The following PTOV1 variants were observed in gnomAD, a reference collection of about 807,000 sequenced individuals.
PTOV1 encodes PTOV1 extended AT-hook containing adaptor protein.
A neutral mutation model predicts 58.0 loss-of-function variants in PTOV1; 20 were observed. That is an observed-to-expected ratio of 0.34 (90% CI 0.24 to 0.50). The LOEUF (loss-of-function observed/expected upper bound fraction) is 0.50. Among genes scored for constraint, PTOV1 ranks in the 20% least tolerant of loss-of-function variants. PTOV1 has a pLI of 0.98. For synonymous variants in PTOV1, 335 were observed against 234.2 expected, an observed-to-expected ratio of 1.43 and a Z score of -3.93; for missense variants, 593 against 565.4, an observed-to-expected ratio of 1.05 and a Z score of -0.50.
At chr19:49,853,114 T>C (rs940539675) in intron 1 of PTOV1, 1 of 152,070 alleles carries the variant, frequency 6.6e-6, no homozygotes, top group Non-Finnish European at 1.5e-5. Context: ...TTCAGGTTTT[T>C]CTCTTTTTAA....
Position 49,854,893 on chromosome 19 carries a change from G to GTGCCC in PTOV1, c.450+5_450+6insTGCCC. 1 of 1,603,560 alleles carries GTGCCC rather than the reference G, an allele frequency of 6.2e-7. No individual in the cohort carries two copies. Among genetic ancestry groups the GTGCCC allele is most frequent in the Non-Finnish European group, 8.5e-7 (1 of 1,173,344 alleles). ...CTGATCCCTCAGCAGCTGCTGGTGA[G>GTGCCC]ACCCGCCCCTCCCACCCCATCCACT... On this transcript the variant is annotated splice_donor_region_variant and intron_variant, in intron 4 of 11. Coordinates refer to ENST00000391842, the Ensembl canonical transcript of PTOV1.
At chr19:49,859,420 G>A (rs185225143) in intron 10 of PTOV1, 125 of 155,132 alleles carry the variant, frequency 8.1e-4, no homozygotes, top group African/African-American at 1.4e-3. Flanking sequence ...GTGAAACCCC[G>A]TCTCTACTAA....
Position 49,854,833 on chromosome 19 carries a change from AGACC to A in PTOV1, c.400_403del (p.Asp134SerfsTer6). On this transcript the variant is annotated frameshift_variant, in exon 4 of 12. Transcript: ENST00000391842. LOFTEE classifies it high-confidence loss of function. The stretch of plus-strand genomic sequence containing the variant: ...TTCTGACCAGCTCCTTCCCATAGGG[AGACC>A]GACCAGTGGCCGCAGAAGCTGATCA... 2 of 1,613,256 alleles carry A rather than the reference AGACC, an allele frequency of 1.2e-6. No homozygotes were observed. Among genetic ancestry groups the A allele is most frequent in the Non-Finnish European group, 1.7e-6 (2 of 1,179,970 alleles).
intron 1 of PTOV1, chr19:49,852,131 G>T: frequency 1.1e-6 from 1 of 952,336 alleles, no homozygotes; most frequent in Non-Finnish European, 1.3e-6. Context: ...GAAACCGTAA[G>T]GTTTACCTGG....
upstream of PTOV1, chr19:49,850,793 C>T: frequency 6.7e-7 from 1 of 1,483,150 alleles, no homozygotes; most frequent in Non-Finnish European, 9.1e-7. Context: ...CAGTGGGTTC[C>T]TTTGTCCCCA....
In PTOV1 at chr19:49,851,505, C is replaced by CGGGG; in HGVS notation, c.171+6_171+7insGGGG. On this transcript the variant is annotated splice_region_variant and intron_variant, in intron 1 of 11. Coordinates refer to ENST00000391842, the Ensembl canonical transcript of PTOV1. ...CCCGCTCGGCCCCTCCCATGGTGAG[C>CGGGG]CCCCCGCCCTTTTTCCAGAGCCTTC... 1 of 1,115,692 alleles carries CGGGG rather than the reference C, an allele frequency of 9.0e-7. No homozygotes were observed. The highest frequency in any genetic ancestry group is 1.1e-6 in the Non-Finnish European group (1 of 899,428). 69.1% of individuals were successfully genotyped at this position (1,115,692 alleles called of 1,614,324 possible).
At chr19:49,854,114 G>A (rs566271057) in intron 1 of PTOV1, among the ~76,000 whole-genome samples, 2 of 152,362 alleles carry the variant, frequency 1.3e-5, no homozygotes, top group South Asian at 4.1e-4. Context: ...CACAGCTGGG[G>A]CAAAGGCTGG....
At chr19:49,854,186 C>T (rs1488512651) in intron 1 of PTOV1, among the ~76,000 whole-genome samples, 2 of 152,182 alleles carry the variant, frequency 1.3e-5, no homozygotes, top group Non-Finnish European at 2.9e-5. Flanking sequence ...ACAGCAGGCT[C>T]TGGGAAGGAA....
Position 49,860,279 on chromosome 19 carries a change from G to A in PTOV1, c.1251G>A (p.Ter417=), listed in dbSNP as rs1238819497. Residue 417 remains the stop codon, a stop_retained_variant, in exon 12 of 12, where the codon TAG becomes TAA. Coordinates refer to ENST00000391842, the Ensembl canonical transcript of PTOV1. ...ATTTCTCGCCGTAGATGGGGGGGTA[G>A]TGGTTACCCCGGGCTGGGCCCCTCC... 1.9e-6 allele frequency: 3 copies of A among 1,613,466 alleles called. 1 individual carries two copies. The highest frequency in any genetic ancestry group is 2.2e-5 in the South Asian group (2 of 91,008).
chr19:49,851,034 C>T (rs1009877052), upstream of PTOV1: 6 of 1,521,202 alleles, frequency 3.9e-6, no homozygotes, highest in Middle Eastern at 3.4e-4. Flanking sequence ...GCCGGAGAGG[C>T]CCGCAGGACC....
chr19:49,851,222 C>T (rs1178340782), exon 1 of PTOV1: 3 of 1,158,214 alleles, frequency 2.6e-6, no homozygotes, highest in Non-Finnish European at 3.2e-6. Flanking sequence ...CGGCTCAGCC[C>T]GTCTCCCCCG....
chr19:49,856,721 G>A, intron 5 of PTOV1: 1 of 491,936 alleles, frequency 2.0e-6, no homozygotes, highest in Middle Eastern at 5.5e-4. Context: ...GTGGGAGGTA[G>A]TGCCTTCTTG....
In PTOV1 at chr19:49,860,670, G is replaced by A. The variant is rs2074718562; in HGVS notation, c.*391G>A. On this transcript the variant is annotated 3_prime_UTR_variant, in exon 12 of 12. Coordinates refer to ENST00000391842, the Ensembl canonical transcript of PTOV1. ...ACTTCAACTGCCCAGCAACATGGAG[G>A]ATGGTGTCCTGAGGCCTCCAAGGAC... is the stretch of plus-strand genomic sequence containing the variant. 7.5e-6 allele frequency: 3 copies of A among 398,524 alleles called. No individual in the cohort carries two copies. The East Asian group carries it at 1.3e-4, about 18-fold the overall frequency. 24.7% of individuals were successfully genotyped at this position (398,524 alleles called of 1,614,324 possible). A position where few individuals can be genotyped will look rare whatever the true frequency, so the allele number is the denominator to read the frequency against.
intron 5 of PTOV1, chr19:49,855,551 C>T (rs1021777747): frequency 5.3e-5 from 10 of 188,614 alleles, no homozygotes; most frequent in African/African-American, 9.3e-5. Flanking sequence ...GAAGCAGGCG[C>T]GGTGAGTAGG....
At chr19:49,857,246 C>T in intron 6 of PTOV1, 116 bp downstream of exon 6, 1 of 1,414,838 alleles carries the variant, frequency 7.1e-7, no homozygotes, top group Non-Finnish European at 9.7e-7. Flanking sequence ...GAGCAAGGAG[C>T]TGCAGGGGAG....
chr19:49,851,181 C>T, exon 1 of PTOV1: 1 of 1,227,254 alleles, frequency 8.1e-7, no homozygotes, highest in Non-Finnish European at 1.0e-6. Flanking sequence ...GCGGCGACCC[C>T]ACTCCGGCGG....
intron 1 of PTOV1, 128 bp downstream of exon 1, chr19:49,851,627 GC>G: frequency 1.4e-5 from 15 of 1,074,746 alleles, no homozygotes; most frequent in Non-Finnish European, 1.7e-5. Context: ...GGGTGGTCCC[GC>G]CCGGGGCCGG....
rs62624500 is a variant in PTOV1 at position 49,857,801 on chromosome 19, A to G, written c.804+19A>G. 63,492 of 1,613,664 alleles carry G rather than the reference A, an allele frequency of 0.039. 1,846 individuals are homozygous for G. Among genetic ancestry groups the G allele is most frequent in the South Asian group, 0.12 (10,891 of 91,040 alleles). ...GCAGGAGGTGAGCACTCGGCAGCCCAGGGACTTGGGACCCCCAGATCCTCA... is the reference window on the plus strand; with the variant it reads ...GCAGGAGGTGAGCACTCGGCAGCCCGGGGACTTGGGACCCCCAGATCCTCA... On this transcript the variant is annotated intron_variant, in intron 7 of 11. Coordinates refer to ENST00000391842, the Ensembl canonical transcript of PTOV1.
intron 10 of PTOV1, among the ~76,000 whole-genome samples, chr19:49,859,472 TGA>T (rs1024498874): frequency 1.3e-5 from 2 of 151,828 alleles, no homozygotes; most frequent in African/African-American, 4.8e-5. Context: ...CTCAGGAGGC[TGA>T]GTCACAAGAA....
Sources: gnomAD v4.1 joint callset for allele counts (sites outside exome capture counted in the v4.1 genomes callset) on GRCh38, gnomAD v4.1.1 for gene constraint, MANE v1.5 for transcripts, NCBI Gene and HGNC (gene_info 2026-07-23, HGNC 2026-07-21) for gene names.